CARD14: variants seen among roughly 807,000 people sequenced by gnomAD.
The protein encoded by CARD14 is caspase recruitment domain family member 14, also known as caspase recruitment domain-containing protein 14.
In CARD14, 107 loss-of-function variants were observed where a neutral mutation model predicts 111.5. The observed-to-expected ratio is 0.96, with a 90% CI of 0.82 to 1.13. The LOEUF (loss-of-function observed/expected upper bound fraction) is 1.13. Ranked by LOEUF, CARD14 falls within the 50% of genes most tolerant of loss-of-function variation. The pLI, the probability that CARD14 is intolerant of heterozygous loss-of-function variation, is 0.00. For synonymous variants in CARD14, 617 were observed against 579.6 expected, an observed-to-expected ratio of 1.06 and a Z score of -0.93; for missense variants, 1,322 against 1,362.3, an observed-to-expected ratio of 0.97 and a Z score of 0.47.
At position 80,201,310 on chromosome 17, in the gene CARD14, C is replaced by G. The variant is rs562086765; in HGVS notation, c.1852-434C>G. ...GGCTGTGGGTGGAGAGCCAGGGCAT[C>G]GGGTAGGTGAAGGCCAGGGATGCCA... On this transcript the variant is annotated intron_variant, in intron 16 of 23. Transcript: ENST00000648509. This position sits in a 1 kb window ranked among gnomAD's most constrained non-coding sequence, Gnocchi z 5.0. The G allele has an allele frequency of 1.8e-5, 3 of 168,960 alleles. No homozygotes were observed. Among genetic ancestry groups the G allele is most frequent in the African/African-American group, 7.2e-5 (3 of 41,388 alleles). 10.5% of individuals were successfully genotyped at this position (168,960 alleles called of 1,614,324 possible).
At chr17:80,175,659 C>G (rs897639835) in intron 2 of CARD14, among the ~76,000 whole-genome samples, 1 of 152,100 alleles carries the variant, frequency 6.6e-6, no homozygotes. Context: ...TGCTCCTGCC[C>G]GACACCTCCA....
intron 2 of CARD14, among the ~76,000 whole-genome samples, chr17:80,175,953 T>G (rs1237440368): frequency 6.4e-4 from 5 of 7,766 alleles, no homozygotes; most frequent in African/African-American, 2.1e-3. Flanking sequence ...TCTCGGATCG[T>G]TTTTTTTTTT....
intron 16 of CARD14, chr17:80,200,677 T>C (rs1316660147): frequency 6.6e-6 from 1 of 152,224 alleles, no homozygotes; most frequent in Non-Finnish European, 1.5e-5. Flanking sequence ...GTTACATTGA[T>C]TGTACACTTT....
intron 19 of CARD14, 135 bp from the exon 20 acceptor site, chr17:80,204,092 C>T (rs986473710): frequency 3.7e-5 from 34 of 916,714 alleles, no homozygotes; most frequent in Non-Finnish European, 5.6e-5. Context: ...GCAGACACAC[C>T]TCAGGCTGTT....
intron 19 of CARD14, 152 bp from the exon 20 acceptor site, chr17:80,204,075 C>T (rs1470145282): frequency 1.2e-6 from 1 of 855,384 alleles, no homozygotes; most frequent in East Asian, 2.7e-5. Context: ...CAGGCTCTTG[C>T]ACAAGTGCAG....
intron 4 of CARD14, 23 bp from the exon 5 acceptor site, chr17:80,181,396 A>G: frequency 6.5e-7 from 1 of 1,531,512 alleles, no homozygotes. Context: ...TGACAACTCC[A>G]CCCCCATGGC....
Position 80,182,451 on chromosome 17 carries a change from G to A in CARD14, c.212-202G>A, listed in dbSNP as rs892662094. 6.6e-6 allele frequency among the ~76,000 whole-genome samples: 1 copy of A among 152,186 alleles called. No individual in the cohort carries two copies. Among genetic ancestry groups the A allele is most frequent in the Non-Finnish European group, 1.5e-5 (1 of 68,030 alleles). ...TTTGCCCTTCTCGAGTCTGACTGAGGTCATGGGGGTAAAGGGAGCCTGTGA... is the reference window on the plus strand; with the variant it reads ...TTTGCCCTTCTCGAGTCTGACTGAGATCATGGGGGTAAAGGGAGCCTGTGA... On this transcript the variant is annotated intron_variant, in intron 5 of 23. Coordinates refer to ENST00000648509, the MANE Select transcript of CARD14 (RefSeq NM_001366385.1). This position sits in a 1 kb window ranked among gnomAD's most constrained non-coding sequence, Gnocchi z 4.7.
At chr17:80,197,210 C>T (rs1217045696) in intron 14 of CARD14, 2 of 151,548 alleles carry the variant, frequency 1.3e-5, no homozygotes, top group Non-Finnish European at 2.9e-5. Context: ...ACAATAACAA[C>T]AACAACAAAA....
At position 80,195,919 on chromosome 17, in the gene CARD14, C is replaced by T. The variant is rs919723768; in HGVS notation, c.1594+267C>T. 1.3e-5 allele frequency: 6 copies of T among 464,692 alleles called. No homozygotes were observed. Among genetic ancestry groups the T allele is most frequent in the Non-Finnish European group, 2.3e-5 (6 of 257,428 alleles). The allele number at this position is 464,692 out of a possible 1,614,324, so 28.8% of individuals were successfully genotyped here. The stretch of plus-strand genomic sequence containing the variant: ...CCAGGGGAGTTGTGTCTGATCCACG[C>T]CCTGCTCAGCACCCAGCCCCCTGCT... On this transcript the variant is annotated intron_variant, in intron 14 of 23. Coordinates refer to ENST00000648509, the MANE Select transcript of CARD14 (RefSeq NM_001366385.1). The surrounding 1 kb of genome is among the most constrained non-coding windows in gnomAD (Gnocchi z 4.7).
Position 80,195,611 on chromosome 17 carries a change from C to T in CARD14, c.1553C>T (p.Ala518Val). ...GDPGALPGAK[A>V]GDPHLDYELL... is the part of the protein sequence containing the mutation. ...CCGGGAGCCCTGCCGGGAGCTAAGG[C>T]AGGCGACCCACACCTGGATTATGAG... Residue 518 changes from alanine (A) to valine (V), a missense_variant, in exon 14 of 24, where the codon GCA becomes GTA. Coordinates refer to ENST00000648509, the MANE Select transcript of CARD14 (RefSeq NM_001366385.1). This position sits in a 1 kb window ranked among gnomAD's most constrained non-coding sequence, Gnocchi z 4.7. The T allele has an allele frequency of 6.2e-7, 1 of 1,613,458 alleles. No individual in the cohort carries two copies. Among genetic ancestry groups the T allele is most frequent in the Non-Finnish European group, 8.5e-7 (1 of 1,179,916 alleles).
At chr17:80,191,292 G>T (rs372109073) in intron 10 of CARD14, 31 bp from the exon 11 acceptor site, 3 of 1,596,614 alleles carry the variant, frequency 1.9e-6, no homozygotes, top group Non-Finnish European at 2.6e-6. Context: ...TGGTGATGGC[G>T]CGGCCTCCTT....
At position 80,203,880 on chromosome 17, in the gene CARD14, C is replaced by T. The variant is rs563350773; in HGVS notation, c.2278C>T (p.Arg760Cys). 1.1e-5 allele frequency: 17 copies of T among 1,595,506 alleles called. No homozygotes were observed. Among genetic ancestry groups the T allele is most frequent in the South Asian group, 5.7e-5 (5 of 87,280 alleles). Residue 760 changes from arginine to cysteine, a missense_variant, in exon 19 of 24, where the codon CGC becomes TGC. Arg to Cys is a radical substitution (Grantham distance 180, BLOSUM62 -3). Coordinates refer to ENST00000648509, the MANE Select transcript of CARD14 (RefSeq NM_001366385.1). The surrounding 1 kb of genome is among the most constrained non-coding windows in gnomAD (Gnocchi z 4.6). ...CATGACTCAGCAGTGCACCGTGACC[C>T]GCAAGGTGAGGCTCCAGGGAGGGGC... is the stretch of plus-strand genomic sequence containing the variant. ...QDMTQQCTVT[R>C]KPSSGGPQKL...
rs924258093 is a variant in CARD14, at chr17:80,180,577, C to CT, written c.-20-832dup. 1.8e-3 allele frequency among the ~76,000 whole-genome samples: 268 copies of CT among 150,508 alleles called. 1 individual carries two copies. The highest frequency in any genetic ancestry group is 5.6e-3 in the African/African-American group (232 of 41,078). On this transcript the variant is annotated intron_variant, in intron 4 of 23. Transcript: ENST00000648509. ...GCTGCGTAGTTGAAAACAATGGGAA[C>CT]TTTTTTTTTTGTTTTTTTAGACAGA...
At chr17:80,183,045 G>A (rs551504092) in intron 6 of CARD14, among the ~76,000 whole-genome samples, 1 of 152,212 alleles carries the variant, frequency 6.6e-6, no homozygotes, top group Non-Finnish European at 1.5e-5. Flanking sequence ...AGACCCCTGA[G>A]CGGTAGGGTG....
chr17:80,173,298 G>GCACACACA lies in CARD14; in HGVS notation c.-367+90_-367+97dup, dbSNP rs761819467. 399 of 141,480 alleles carry GCACACACA rather than the reference G, an allele frequency of 2.8e-3. 1 individual carries two copies. Among genetic ancestry groups the GCACACACA allele is most frequent in the Non-Finnish European group, 4.6e-3 (303 of 65,296 alleles). 8.8% of individuals were successfully genotyped at this position (141,480 alleles called of 1,614,324 possible). On this transcript the variant is annotated intron_variant, in intron 2 of 23. Coordinates refer to ENST00000648509, the MANE Select transcript of CARD14 (RefSeq NM_001366385.1). The stretch of plus-strand genomic sequence containing the variant: ...CTCTCCCCCTCTCTTTCTCTCTCAT[G>GCACACACA]CACACACACACACACACACACACAC...
At chr17:80,192,754 T>C in intron 12 of CARD14, 135 bp downstream of exon 12, 1 of 582,184 alleles carries the variant, frequency 1.7e-6, no homozygotes, top group Non-Finnish European at 3.0e-6. Context: ...GTGAGAGTTT[T>C]ATTTTATTTT....
chr17:80,195,720 G>A lies in CARD14; in HGVS notation c.1594+68G>A, dbSNP rs746762381. On this transcript the variant is annotated intron_variant, in intron 14 of 23. Coordinates refer to ENST00000648509, the MANE Select transcript of CARD14 (RefSeq NM_001366385.1). This position sits in a 1 kb window ranked among gnomAD's most constrained non-coding sequence, Gnocchi z 4.7. ...CCTGGGCAGAGCAGGGAGCTGATGA[G>A]AAAGCCGGGGCCTCTCTCCAGGGAA... The A allele has an allele frequency of 4.6e-6, 6 of 1,318,602 alleles. No homozygotes were observed. The Admixed American group carries it at 1.3e-4, about 29-fold the overall frequency. 81.7% of individuals were successfully genotyped at this position (1,318,602 alleles called of 1,614,324 possible).
Position 80,192,550 on chromosome 17 carries a change from G to A in CARD14, c.1287G>A (p.Gln429=). The part of the protein sequence containing the change: ...RTREPCPREK[Q]RLVRMHAICP... ...GGGAGCCCTGTCCACGGGAGAAGCA[G>A]CGGCTGGTGCGGATGCATGCCATCT... Residue 429 remains glutamine, a synonymous_variant, in exon 12 of 24, where the codon CAG becomes CAA. Transcript: ENST00000648509. 6.2e-7 allele frequency: 1 copy of A among 1,613,590 alleles called. No individual in the cohort carries two copies. The highest frequency in any genetic ancestry group is 1.1e-5 in the South Asian group (1 of 91,064).
chr17:80,174,043 G>T (rs772913283), intron 2 of CARD14, among the ~76,000 whole-genome samples: 15 of 152,274 alleles, frequency 9.9e-5, no homozygotes, highest in Non-Finnish European at 2.1e-4. Flanking sequence ...GTGACATTAT[G>T]TAAAATCAAC....
Sources: allele counts gnomAD v4.1 joint callset (sites outside exome capture counted in the v4.1 genomes callset), GRCh38; gene constraint gnomAD v4.1.1; non-coding constraint Gnocchi (gnomAD v3.1); transcripts MANE v1.5; gene names NCBI Gene and HGNC (gene_info 2026-07-23, HGNC 2026-07-21).